PLTP: variants seen among roughly 807,000 people sequenced by gnomAD.
PLTP encodes the protein phospholipid transfer protein.
Under a neutral mutation model 54.1 loss-of-function variants are expected in PLTP, and 43 were observed. The ratio of observed to expected loss-of-function variants is 0.79; its 90% CI spans 0.62 to 1.02. The LOEUF is 1.02. PLTP is among the 50% of genes least tolerant of loss of function. The probability of loss-of-function intolerance (pLI) is 0.00; values close to 1 mark genes in which losing one functional copy is unlikely to be tolerated. For missense variants in PLTP, 604 were observed against 645.9 expected, an observed-to-expected ratio of 0.94 and a Z score of 0.70; for synonymous variants, 263 against 264.6, an observed-to-expected ratio of 0.99 and a Z score of 0.06.
At chr20:45,907,595 T>G (rs1454458934) in intron 7 of PLTP, 97 bp downstream of exon 7, 15 of 1,181,780 alleles carry the variant, frequency 1.3e-5, no homozygotes, top group Non-Finnish European at 1.7e-5. Flanking sequence ...GGGGCCACAT[T>G]TGAACCCAGG....
At chr20:45,904,318 G>A (rs11699383) in intron 10 of PLTP, among the ~76,000 whole-genome samples, 15 of 151,988 alleles carry the variant, frequency 9.9e-5, no homozygotes, top group Non-Finnish European at 1.8e-4. Flanking sequence ...AAAAATTAGC[G>A]GGGTGTGGTG....
At chr20:45,907,490 C>T (rs927958540) in intron 7 of PLTP, among the ~76,000 whole-genome samples, 1 of 152,146 alleles carries the variant, frequency 6.6e-6, no homozygotes, top group Non-Finnish European at 1.5e-5. Flanking sequence ...CACAGCAACC[C>T]CAGGAGGAGG....
Position 45,905,020 on chromosome 20 carries a change from G to A in PLTP, c.804C>T (p.Phe268=). The A allele has an allele frequency of 6.2e-7, 1 of 1,614,204 alleles. No homozygotes were observed. Among genetic ancestry groups the A allele is most frequent in the African/African-American group, 1.3e-5 (1 of 75,058 alleles). The change falls in exon 9 of 16, where the codon TTC becomes TTT. Residue 268 remains phenylalanine (F), a synonymous_variant. Coordinates refer to ENST00000372431, the MANE Select transcript of PLTP (RefSeq NM_006227.4). ...TGGCAGAGTCGAAGAAGAACTCAGA[G>A]AAGGCCACATACACCATCCGCTCTT... ...QEEERMVYVA[F]SEFFFDSAME... is the part of the protein sequence containing the mutation.
At chr20:45,909,011 CT>C (rs2145840049) in intron 5 of PLTP, among the ~76,000 whole-genome samples, 1 of 137,998 alleles carries the variant, frequency 7.2e-6, no homozygotes, top group African/African-American at 2.7e-5. Flanking sequence ...TGTCACCAGG[CT>C]GGAGTGCAGT....
Position 45,899,884 on chromosome 20 carries a change from G to T in PLTP, c.1176-6C>A. ...GGTTGGAATAGATTCGGAACCTGCG[G>T]GAAAGAAAGGAGCCCTGTGGGCAGG... On this transcript the variant is annotated splice_region_variant and splice_polypyrimidine_tract_variant and intron_variant, in intron 12 of 15. Transcript: ENST00000372431. The T allele has an allele frequency of 6.6e-7, 1 of 1,516,644 alleles. No individual in the cohort carries two copies. Among genetic ancestry groups the T allele is most frequent in the Non-Finnish European group, 8.9e-7 (1 of 1,126,536 alleles). The allele number at this position is 1,516,644 out of a possible 1,614,324, so 93.9% of individuals were successfully genotyped here.
In PLTP at chr20:45,907,694, G is replaced by C. The variant is rs143448263; in HGVS notation, c.611C>G (p.Pro204Arg). The change falls in exon 7 of 16, where the codon CCT becomes CGT. Residue 204 changes from proline (P) to arginine (R), a missense_variant and splice_region_variant. Transcript: ENST00000372431. ...VLLNSLLDTV[P>R]VRSSVDELVG... is the part of the protein sequence containing the mutation. The stretch of plus-strand genomic sequence containing the variant: ...AGACTCACCCGCCACCAACTCACCA[G>C]GCACGGTGTCCAGGAGGGAGTTGAG... 6 of 1,613,556 alleles carry C rather than the reference G, an allele frequency of 3.7e-6. No homozygotes were observed. In the African/African-American group the frequency reaches 6.7e-5, roughly 18 times the overall value.
intron 13 of PLTP, 24 bp downstream of exon 13, chr20:45,899,812 G>GGGGCCCCCCCC: frequency 3.2e-6 from 1 of 309,346 alleles, no homozygotes; most frequent in Non-Finnish European, 6.2e-6. Context: ...ACCCAGCCCA[G>GGGGCCCCCCCC]CCCACCCACC....
chr20:45,909,499 T>TTGGGGCTGGGGC lies in PLTP; in HGVS notation c.485+5_485+16dup. Reference sequence around the variant, plus strand: ...GGGGCTCGAAAAGGGTGAGCTGGGGTTGGGGCTGGGGCTTACTTGAAGGTT... The same window carrying TTGGGGCTGGGGC: ...GGGGCTCGAAAAGGGTGAGCTGGGGTTGGGGCTGGGGCTGGGGCTGGGGCTTACTTGAAGGTT... On this transcript the variant is annotated intron_variant, in intron 5 of 15. Coordinates refer to ENST00000372431, the MANE Select transcript of PLTP (RefSeq NM_006227.4). 1 of 1,613,658 alleles carries TTGGGGCTGGGGC rather than the reference T, an allele frequency of 6.2e-7. No homozygotes were observed. Among genetic ancestry groups the TTGGGGCTGGGGC allele is most frequent in the Non-Finnish European group, 8.5e-7 (1 of 1,179,882 alleles).
chr20:45,910,216 A>G, intron 3 of PLTP, 146 bp from the exon 4 acceptor site: 1 of 879,398 alleles, frequency 1.1e-6, no homozygotes. Context: ...TCAAGTGCCC[A>G]ACTTAGACTT....
At chr20:45,909,084 C>T (rs1321209541) in intron 5 of PLTP, among the ~76,000 whole-genome samples, 1 of 151,330 alleles carries the variant, frequency 6.6e-6, no homozygotes, top group Non-Finnish European at 1.5e-5. Flanking sequence ...CCTGCCTCAG[C>T]CTCCCACGTA....
chr20:45,903,281 C>T (rs1352553375), intron 10 of PLTP, among the ~76,000 whole-genome samples: 1 of 152,218 alleles, frequency 6.6e-6, no homozygotes, highest in Non-Finnish European at 1.5e-5. Context: ...CTCACTGCAG[C>T]CTCAACCTCC....
intron 1 of PLTP, chr20:45,911,774 T>G: frequency 2.2e-6 from 1 of 461,060 alleles, no homozygotes; most frequent in Non-Finnish European, 4.0e-6. Context: ...CAACCTCCCC[T>G]TTCCTTTAGC....
chr20:45,906,385 A>G (rs2083239041), intron 7 of PLTP, 26 bp from the exon 8 acceptor site: 1 of 1,585,972 alleles, frequency 6.3e-7, no homozygotes, highest in African/African-American at 1.3e-5. Context: ...CAAGTCACTC[A>G]CGGCTGTGTG....
At chr20:45,909,876 CAG>C in intron 4 of PLTP, 64 bp downstream of exon 4, 1 of 1,594,244 alleles carries the variant, frequency 6.3e-7, no homozygotes, top group South Asian at 1.1e-5. Flanking sequence ...GGGCTGCCCA[CAG>C]CCCCACAGCA....
rs1489656618 is a variant in PLTP at position 45,907,687 on chromosome 20, C to A, written c.613+5G>T. 1 of 1,613,608 alleles carries A rather than the reference C, an allele frequency of 6.2e-7. No homozygotes were observed. Among genetic ancestry groups the A allele is most frequent in the Admixed American group, 1.7e-5 (1 of 59,990 alleles). ...CACACCCAGACTCACCCGCCACCAA[C>A]TCACCAGGCACGGTGTCCAGGAGGG... On this transcript the variant is annotated splice_donor_5th_base_variant and intron_variant, in intron 7 of 15. Coordinates refer to ENST00000372431, the MANE Select transcript of PLTP (RefSeq NM_006227.4).
At chr20:45,903,530 A>T (rs1011410931) in intron 10 of PLTP, among the ~76,000 whole-genome samples, 3 of 152,070 alleles carry the variant, frequency 2.0e-5, no homozygotes, top group Non-Finnish European at 4.4e-5. Context: ...GTGCCTGGCC[A>T]TATCTTCTTT....
intron 3 of PLTP, among the ~76,000 whole-genome samples, chr20:45,910,301 C>T (rs1264993764): frequency 1.3e-5 from 2 of 152,036 alleles, no homozygotes; most frequent in African/African-American, 4.8e-5. Flanking sequence ...TGAGCTTCAC[C>T]CCATCGCTTA....
intron 1 of PLTP, 103 bp from the exon 2 acceptor site, chr20:45,911,566 T>C: frequency 1.4e-6 from 2 of 1,479,954 alleles, no homozygotes; most frequent in Non-Finnish European, 1.8e-6. Context: ...ACCCTCCAGA[T>C]AACTCTTCGG....
chr20:45,911,793 C>A (rs1054104469), intron 1 of PLTP: 2 of 430,148 alleles, frequency 4.6e-6, no homozygotes, highest in Admixed American at 7.1e-5. Context: ...GCGGTGGGCC[C>A]ATGCAGGCTT....
Sources: allele counts gnomAD v4.1 joint callset (sites outside exome capture counted in the v4.1 genomes callset), GRCh38; gene constraint gnomAD v4.1.1; transcripts MANE v1.5; gene names NCBI Gene and HGNC (gene_info 2026-07-23, HGNC 2026-07-21).